ULK4: variants seen among roughly 807,000 people sequenced by gnomAD.
The protein encoded by ULK4 is inactive serine/threonine-protein kinase ULK4.
A neutral mutation model predicts 160.6 loss-of-function variants in ULK4; 133 were observed. That is an observed-to-expected ratio of 0.83 (90% CI 0.72 to 0.96). The LOEUF (loss-of-function observed/expected upper bound fraction) is 0.96. Among genes scored for constraint, ULK4 ranks in the 40% least tolerant of loss-of-function variants. The pLI, the probability that ULK4 is intolerant of heterozygous loss-of-function variation, is 0.00. For synonymous variants in ULK4, 534 were observed against 539.8 expected (o/e 0.99, Z 0.15); for missense variants, 1,580 against 1,499.5 (o/e 1.05, Z -0.89).
chr3:41,270,573 G>A (rs987156392), intron 35 of ULK4, among the ~76,000 whole-genome samples: 22 of 152,136 alleles, frequency 1.4e-4, no homozygotes, highest in African/African-American at 5.1e-4. Context: ...TGGATCCAAG[G>A]TGGCTTTAGA....
intron 34 of ULK4, among the ~76,000 whole-genome samples, chr3:41,417,928 T>C (rs912394989): frequency 1.3e-5 from 2 of 152,188 alleles, no homozygotes; most frequent in Non-Finnish European, 2.9e-5. Context: ...CTGACCTTCG[T>C]GCTGTTTTTC....
intron 21 of ULK4, among the ~76,000 whole-genome samples, chr3:41,755,256 T>G (rs1337471644): frequency 1.3e-5 from 2 of 152,174 alleles, no homozygotes; most frequent in Non-Finnish European, 2.9e-5. Context: ...ACAGTAACAC[T>G]GTGTGTCCAA....
At chr3:41,826,324 T>A (rs2041350018) in intron 18 of ULK4, among the ~76,000 whole-genome samples, 1 of 152,128 alleles carries the variant, frequency 6.6e-6, no homozygotes, top group Non-Finnish European at 1.5e-5. Flanking sequence ...ACCTTAAATG[T>A]AAATGGGCTA....
chr3:41,421,576 T>C (rs1171995849), intron 34 of ULK4, among the ~76,000 whole-genome samples: 3 of 152,186 alleles, frequency 2.0e-5, no homozygotes, highest in Admixed American at 6.5e-5. Flanking sequence ...TTAGATGATG[T>C]TTTTCTAGTG....
intron 8 of ULK4, chr3:41,913,221 CTTTTTTTTTTT>C (rs562065017): frequency 3.0e-5 from 3 of 99,874 alleles, no homozygotes; most frequent in African/African-American, 7.1e-5. Flanking sequence ...ATTTGAAATT[CTTTTTTTTTTT>C]TTTTTTTTTT....
intron 27 of ULK4, among the ~76,000 whole-genome samples, chr3:41,691,529 T>C (rs186078002): frequency 2.0e-5 from 3 of 152,046 alleles, no homozygotes; most frequent in African/African-American, 7.2e-5. Context: ...ACTGAAACTG[T>C]GGCAGACCCA....
At chr3:41,745,330 C>G (rs1210412971) in intron 22 of ULK4, among the ~76,000 whole-genome samples, 1 of 151,252 alleles carries the variant, frequency 6.6e-6, no homozygotes. Flanking sequence ...AAAGGGATAT[C>G]ACTACAAATA....
At chr3:41,772,587 C>T (rs1466740368) in intron 21 of ULK4, among the ~76,000 whole-genome samples, 2 of 152,108 alleles carry the variant, frequency 1.3e-5, no homozygotes, top group Admixed American at 6.6e-5. Context: ...AATAGCTTAT[C>T]AACCAAAAAA....
At chr3:41,378,594 G>A (rs2081569941) in intron 35 of ULK4, among the ~76,000 whole-genome samples, 1 of 150,768 alleles carries the variant, frequency 6.6e-6, no homozygotes, top group Admixed American at 6.6e-5. Context: ...AGAACACTTG[G>A]ACACAGCAAG....
intron 34 of ULK4, among the ~76,000 whole-genome samples, chr3:41,447,624 G>A (rs972775410): frequency 2.6e-5 from 4 of 152,168 alleles, no homozygotes; most frequent in African/African-American, 9.7e-5. Flanking sequence ...AAAGGGTAAT[G>A]ATGCTGTGGC....
chr3:41,438,816 T>C (rs1053157237), intron 34 of ULK4, among the ~76,000 whole-genome samples: 6 of 151,968 alleles, frequency 3.9e-5, no homozygotes, highest in Admixed American at 3.9e-4. Flanking sequence ...GGCAACAGAA[T>C]GAGATCCCCG....
intron 30 of ULK4, among the ~76,000 whole-genome samples, chr3:41,640,373 A>C (rs1430462421): frequency 6.6e-6 from 1 of 152,182 alleles, no homozygotes; most frequent in East Asian, 1.9e-4. Flanking sequence ...CCGAGAGCCC[A>C]GGCAAGACCT....
chr3:41,628,675 T>C (rs560730597), intron 30 of ULK4, among the ~76,000 whole-genome samples: 7 of 152,294 alleles, frequency 4.6e-5, no homozygotes, highest in South Asian at 4.1e-4. Context: ...AGAAAAAGTA[T>C]ATCATTTGGA....
At chr3:41,348,206 CAAAAAAAAA>C (rs1197234650) in intron 35 of ULK4, among the ~76,000 whole-genome samples, 3 of 22,958 alleles carry the variant, frequency 1.3e-4, no homozygotes, top group Non-Finnish European at 1.7e-4. Flanking sequence ...AACTCTGTCT[CAAAAAAAAA>C]AAAAAAAAAA....
chr3:41,589,417 A>G (rs1400486541), intron 31 of ULK4, among the ~76,000 whole-genome samples: 1 of 146,770 alleles, frequency 6.8e-6, no homozygotes, highest in East Asian at 2.0e-4. Context: ...AAAAAACACC[A>G]CAAAGGCCAG....
At chr3:41,356,289 C>T (rs566205994) in intron 35 of ULK4, among the ~76,000 whole-genome samples, 4 of 152,298 alleles carry the variant, frequency 2.6e-5, no homozygotes, top group South Asian at 2.1e-4. Flanking sequence ...ATACGCCAGA[C>T]GCATAGACGA....
At chr3:41,335,298 T>C (rs2080531600) in intron 35 of ULK4, among the ~76,000 whole-genome samples, 1 of 152,218 alleles carries the variant, frequency 6.6e-6, no homozygotes, top group Non-Finnish European at 1.5e-5. Context: ...GATCTGCTCC[T>C]TGTAAAGAAT....
At chr3:41,314,469 G>A (rs1370599353) in intron 35 of ULK4, among the ~76,000 whole-genome samples, 2 of 152,086 alleles carry the variant, frequency 1.3e-5, no homozygotes, top group Admixed American at 6.6e-5. Context: ...TTCTGTTTCC[G>A]AGTTATTTCA....
chr3:41,773,302 G>A (rs573119355), intron 21 of ULK4, among the ~76,000 whole-genome samples: 1 of 152,172 alleles, frequency 6.6e-6, no homozygotes, highest in Non-Finnish European at 1.5e-5. Context: ...CAGATGACTT[G>A]ACTGTATATC....
Sources: allele counts gnomAD v4.1 joint callset (sites outside exome capture counted in the v4.1 genomes callset), GRCh38; gene constraint gnomAD v4.1.1; transcripts MANE v1.5; gene names NCBI Gene and HGNC (gene_info 2026-07-23, HGNC 2026-07-21).